SBNO2: variants seen among roughly 807,000 people sequenced by gnomAD.
The protein encoded by SBNO2 is strawberry notch homolog 2, also known as protein strawberry notch homolog 2.
In SBNO2, 89 loss-of-function variants were observed where a neutral mutation model predicts 146.3. The ratio of observed to expected loss-of-function variants is 0.61; its 90% CI spans 0.51 to 0.73. The LOEUF is 0.73. SBNO2 is among the 30% of genes least tolerant of loss of function. The probability of loss-of-function intolerance (pLI) is 0.00; values close to 1 mark genes in which losing one functional copy is unlikely to be tolerated. For missense variants in SBNO2, 2,092 were observed against 2,003.7 expected (o/e 1.04, Z -0.84); for synonymous variants, 1,147 against 892.6 (o/e 1.29, Z -5.08).
In SBNO2 at chr19:1,147,440, G is replaced by GGGGGCC; in HGVS notation, c.168-21_168-20insGGCCCC. The GGGGGCC allele has an allele frequency of 8.1e-7, 1 of 1,241,442 alleles. No homozygotes were observed. The highest frequency in any genetic ancestry group is 1.1e-6 in the Non-Finnish European group (1 of 900,924). The allele number at this position is 1,241,442 out of a possible 1,614,324, so 76.9% of individuals were successfully genotyped here. On this transcript the variant is annotated intron_variant, in intron 3 of 31. Coordinates refer to ENST00000361757, the MANE Select transcript of SBNO2 (RefSeq NM_014963.3). ...AACGGGCTGGAGGGAGATGGGGGGG[G>GGGGGCC]GGGAGGTGAGATGGGGTGCTCAACC...
chr19:1,144,524 A>G lies in SBNO2; in HGVS notation c.279+2785T>C, dbSNP rs2080168182. Among the ~76,000 whole-genome samples, 1 of 152,162 alleles carries G rather than the reference A, an allele frequency of 6.6e-6. No individual in the cohort carries two copies. Among genetic ancestry groups the G allele is most frequent in the Non-Finnish European group, 1.5e-5 (1 of 68,024 alleles). ...GAGCAGGAGAATTCATGAGACAGAGATGGAGACGGAGACAGAGACAGAGAC... is the reference window on the plus strand; with the variant it reads ...GAGCAGGAGAATTCATGAGACAGAGGTGGAGACGGAGACAGAGACAGAGAC... On this transcript the variant is annotated intron_variant, in intron 4 of 31. Transcript: ENST00000361757. The surrounding 1 kb of genome is among the most constrained non-coding windows in gnomAD (Gnocchi z 4.1).
chr19:1,135,530 C>G (rs180785667), intron 4 of SBNO2, among the ~76,000 whole-genome samples: 2 of 152,328 alleles, frequency 1.3e-5, no homozygotes, highest in African/African-American at 4.8e-5. Flanking sequence ...GATAGGGGTG[C>G]GCCGCCTAGG....
intron 1 of SBNO2, among the ~76,000 whole-genome samples, chr19:1,164,277 A>G (rs1265537301): frequency 6.6e-6 from 1 of 152,186 alleles, no homozygotes; most frequent in Admixed American, 6.5e-5. Context: ...CCGAACTGAC[A>G]GCTTCTCTTG....
At position 1,150,011 on chromosome 19, in the gene SBNO2, G is replaced by C. The variant is rs887158417; in HGVS notation, c.94-569C>G. ...GGCCCTGACTTCTCAGAAGCTGCACGGGGCTGGGGTGCGGGGAGCCTGCTT... is the reference window on the plus strand; with the variant it reads ...GGCCCTGACTTCTCAGAAGCTGCACCGGGCTGGGGTGCGGGGAGCCTGCTT... On this transcript the variant is annotated intron_variant, in intron 2 of 31. Coordinates refer to ENST00000361757, the MANE Select transcript of SBNO2 (RefSeq NM_014963.3). The surrounding 1 kb of genome is among the most constrained non-coding windows in gnomAD (Gnocchi z 6.2). Among the ~76,000 whole-genome samples, 3 of 152,296 alleles carry C rather than the reference G, an allele frequency of 2.0e-5. No individual in the cohort carries two copies. The highest frequency in any genetic ancestry group is 7.2e-5 in the African/African-American group (3 of 41,550).
rs772905635 is a variant in SBNO2 at position 1,112,545 on chromosome 19, G to T, written c.2380-8C>A. Reference sequence around the variant, plus strand: ...CGAGATGATGGCCACGAGCTAGGGGGAAAGAAGGGGCCGGGACACGGTTGG... The same window carrying T: ...CGAGATGATGGCCACGAGCTAGGGGTAAAGAAGGGGCCGGGACACGGTTGG... On this transcript the variant is annotated splice_region_variant and splice_polypyrimidine_tract_variant and intron_variant, in intron 20 of 31. Transcript: ENST00000361757. This position sits in a 1 kb window ranked among gnomAD's most constrained non-coding sequence, Gnocchi z 5.9. 3.8e-6 allele frequency: 6 copies of T among 1,594,246 alleles called. No individual in the cohort carries two copies. Among genetic ancestry groups the T allele is most frequent in the Non-Finnish European group, 5.1e-6 (6 of 1,175,252 alleles).
Position 1,123,972 on chromosome 19 carries a change from G to A in SBNO2, c.492C>T (p.Ser164=). 6.2e-7 allele frequency: 1 copy of A among 1,612,052 alleles called. No individual in the cohort carries two copies. The highest frequency in any genetic ancestry group is 8.5e-7 in the Non-Finnish European group (1 of 1,179,396). The change falls in exon 6 of 32, where the codon TCC becomes TCT. Residue 164 remains serine, a synonymous_variant. Coordinates refer to ENST00000361757, the MANE Select transcript of SBNO2 (RefSeq NM_014963.3). ...AGCTGACGAGAAGCGGGGTGCTGTG[G>A]GAGGGCAGAAAGTCCTCGAAGCCTG... The part of the protein sequence containing the change: ...PFAGFEDFLP[S]HSTPLLVSYQ...
At chr19:1,111,292 A>G (rs528302781) in intron 24 of SBNO2, among the ~76,000 whole-genome samples, 199 bp from the exon 25 acceptor site, 1 of 152,290 alleles carries the variant, frequency 6.6e-6, no homozygotes, top group African/African-American at 2.4e-5. Flanking sequence ...GAGTAAACCC[A>G]AACCCCAGGC....
rs1346561851 is a variant in SBNO2 at position 1,112,933 on chromosome 19, C to A, written c.2264G>T (p.Gly755Val). Residue 755 changes from glycine (G) to valine (V), a missense_variant, in exon 20 of 32, where the codon GGC becomes GTC. Coordinates refer to ENST00000361757, the MANE Select transcript of SBNO2 (RefSeq NM_014963.3). This position sits in a 1 kb window ranked among gnomAD's most constrained non-coding sequence, Gnocchi z 5.9. ...CCCGTCGGGCCTGGACACCACGCGG[C>A]CTTTCCTGCCGGTCATCTGCAGCCG... is the stretch of plus-strand genomic sequence containing the variant. ...QRVAEMTGRK[G>V]RVVSRPDGTV... The A allele has an allele frequency of 6.4e-7, 1 of 1,563,652 alleles. No homozygotes were observed. Among genetic ancestry groups the A allele is most frequent in the African/African-American group, 1.4e-5 (1 of 73,768 alleles).
chr19:1,168,992 G>C (rs911579879), intron 1 of SBNO2: 3 of 152,270 alleles, frequency 2.0e-5, no homozygotes, highest in Admixed American at 2.0e-4. Flanking sequence ...ACGCAGCGGG[G>C]CCTGGAACCA....
At chr19:1,120,935 G>A (rs1335886156) in intron 11 of SBNO2, among the ~76,000 whole-genome samples, 1 of 150,084 alleles carries the variant, frequency 6.7e-6, no homozygotes, top group East Asian at 2.0e-4. Flanking sequence ...TCTGTCGCCT[G>A]GGCTGGAGAG....
rs781295095 is a variant in SBNO2, at chr19:1,110,981, G to A, written c.2884+38C>T. The A allele has an allele frequency of 1.8e-5, 29 of 1,598,578 alleles. No homozygotes were observed. Among genetic ancestry groups the A allele is most frequent in the Non-Finnish European group, 2.4e-5 (28 of 1,171,878 alleles). On this transcript the variant is annotated intron_variant, in intron 25 of 31. Coordinates refer to ENST00000361757, the MANE Select transcript of SBNO2 (RefSeq NM_014963.3). The surrounding 1 kb of genome is among the most constrained non-coding windows in gnomAD (Gnocchi z 4.9). ...GAGGCCAAGGTTGCATGAGATGAGA[G>A]ACAGGAGCGCCTCTGGGCCTGGGTG...
At chr19:1,120,918 G>A (rs1426346616) in intron 11 of SBNO2, among the ~76,000 whole-genome samples, 2 of 150,892 alleles carry the variant, frequency 1.3e-5, no homozygotes, top group Non-Finnish European at 2.9e-5. Flanking sequence ...ATGAGACACA[G>A]TCTCGCTCTG....
chr19:1,152,533 G>A (rs537894430), intron 2 of SBNO2, among the ~76,000 whole-genome samples: 15 of 152,232 alleles, frequency 9.9e-5, no homozygotes, highest in African/African-American at 2.4e-4. Flanking sequence ...GCCGGTACTC[G>A]AGCTCCACCG....
At chr19:1,172,764 C>A (rs2145368734) in intron 1 of SBNO2, among the ~76,000 whole-genome samples, 2 of 132,608 alleles carry the variant, frequency 1.5e-5, no homozygotes, top group South Asian at 2.7e-4. Flanking sequence ...CTCTGTAAAA[C>A]ACTCACTGCA....
chr19:1,123,607 C>T lies in SBNO2; in HGVS notation c.555G>A (p.Glu185=), dbSNP rs564392503. 2.5e-6 allele frequency: 4 copies of T among 1,613,200 alleles called. No individual in the cohort carries two copies. The Admixed American group carries it at 5.0e-5, about 20-fold the overall frequency. Residue 185 remains glutamate, a synonymous_variant, in exon 7 of 32, where the codon GAG becomes GAA. Coordinates refer to ENST00000361757, the MANE Select transcript of SBNO2 (RefSeq NM_014963.3). ...CCGCCTCCTCCTCCTCAGCCTCGTCCTCCTCCTCTGGCTGGCTCTGCACAC... is the reference window on the plus strand; with the variant it reads ...CCGCCTCCTCCTCCTCAGCCTCGTCTTCCTCCTCTGGCTGGCTCTGCACAC... ...EQSVQSQPEE[E]DEAEEEEAEE...
At chr19:1,123,788 T>C in intron 6 of SBNO2, 149 bp from the exon 7 acceptor site, 5 of 1,073,924 alleles carry the variant, frequency 4.7e-6, no homozygotes, top group Non-Finnish European at 6.7e-6. Context: ...AGCAAGGTGC[T>C]CCCCCAGGGC....
chr19:1,108,642 C>A lies in SBNO2; in HGVS notation c.3679G>T (p.Asp1227Tyr). The A allele has an allele frequency of 1.3e-6, 2 of 1,509,018 alleles. No individual in the cohort carries two copies. Among genetic ancestry groups the A allele is most frequent in the African/African-American group, 1.4e-5 (1 of 69,652 alleles). 93.5% of individuals were successfully genotyped at this position (1,509,018 alleles called of 1,614,324 possible). The change falls in exon 32 of 32, where the codon GAC becomes TAC. Residue 1227 changes from aspartate to tyrosine, a missense_variant. Asp to Tyr is a radical substitution (Grantham distance 160, BLOSUM62 -3). Transcript: ENST00000361757. The stretch of plus-strand genomic sequence containing the variant: ...GCGGGCGCCTGCCTGCGCTTCACGT[C>A]CGCATCCATCAGCCGCAGCTCCTGC... ...VLQELRLMDA[D>Y]VKRRQAPALG...
Position 1,157,558 on chromosome 19 carries a change from G to A in SBNO2, c.-126-3156C>T, listed in dbSNP as rs965965857. ...GCGAGTCCCATGACTGGAGGGATGC[G>A]TGGTGTGGGGGTTGGGGGGGCGGGG... On this transcript the variant is annotated intron_variant, in intron 1 of 31. Transcript: ENST00000361757. The surrounding 1 kb of genome is among the most constrained non-coding windows in gnomAD (Gnocchi z 6.8). Among the ~76,000 whole-genome samples, 2 of 151,896 alleles carry A rather than the reference G, an allele frequency of 1.3e-5. No individual in the cohort carries two copies. The highest frequency in any genetic ancestry group is 6.6e-5 in the Admixed American group (1 of 15,256).
In SBNO2 at chr19:1,132,201, C is replaced by G; in HGVS notation, c.280-4436G>C. The G allele has an allele frequency of 3.7e-6, 5 of 1,361,610 alleles. No individual in the cohort carries two copies. In the Admixed American group the frequency reaches 1.5e-4, roughly 41 times the overall value. 84.3% of individuals were successfully genotyped at this position (1,361,610 alleles called of 1,614,324 possible). ...TGCCCGGGAGCGGCTCCCTCATGAC[C>G]GCGGCAGCAGCCCCAGCATTGGGTC... On this transcript the variant is annotated intron_variant, in intron 4 of 31. Transcript: ENST00000361757.
Sources: gnomAD v4.1 joint callset for allele counts (sites outside exome capture counted in the v4.1 genomes callset) on GRCh38, gnomAD v4.1.1 for gene constraint, Gnocchi (gnomAD v3.1) non-coding constraint, MANE v1.5 for transcripts, NCBI Gene and HGNC (gene_info 2026-07-23, HGNC 2026-07-21) for gene names.